GFOD1: variants seen among roughly 807,000 people sequenced by gnomAD.
The protein encoded by GFOD1 is Gfo/Idh/MocA-like oxidoreductase domain containing 1.
GFOD1 carries 9 observed loss-of-function variants against 25.4 expected under a neutral mutation model. The ratio of observed to expected loss-of-function variants is 0.35; its 90% CI spans 0.21 to 0.62. GFOD1 has a LOEUF of 0.62. GFOD1 is among the 20% of genes least tolerant of loss of function. The pLI is 0.72. For synonymous variants in GFOD1, 253 were observed against 245.6 expected (o/e 1.03, Z -0.28); for missense variants, 403 against 556.9 (o/e 0.72, Z 2.78).
intron 1 of GFOD1, among the ~76,000 whole-genome samples, chr6:13,433,621 T>G (rs1757786693): frequency 6.6e-6 from 1 of 152,254 alleles, no homozygotes; most frequent in South Asian, 2.1e-4. Context: ...AGGACTTTCA[T>G]GGAAGAAAGC....
At chr6:13,468,558 C>T (rs1562228209) in intron 1 of GFOD1, among the ~76,000 whole-genome samples, 2 of 152,184 alleles carry the variant, frequency 1.3e-5, no homozygotes, top group Non-Finnish European at 2.9e-5. Flanking sequence ...CACAGTTCCC[C>T]AGTGATTAAA....
Position 13,362,016 on chromosome 6 carries a change from G to A in GFOD1, c.*2727C>T, listed in dbSNP as rs569110150. On this transcript the variant is annotated 3_prime_UTR_variant, in exon 2 of 2. Transcript: ENST00000379287. ...GAAACCCCAGGAATATCCCTATTTA[G>A]GTTATGAATGACTTAGAAAAATGAA... 1.3e-5 allele frequency: 2 copies of A among 152,212 alleles called. No individual in the cohort carries two copies. Among genetic ancestry groups the A allele is most frequent in the African/African-American group, 4.8e-5 (2 of 41,522 alleles). 9.4% of individuals were successfully genotyped at this position (152,212 alleles called of 1,614,324 possible). A position where few individuals can be genotyped will look rare whatever the true frequency, so the allele number is the denominator to read the frequency against.
intron 1 of GFOD1, among the ~76,000 whole-genome samples, chr6:13,450,677 G>A (rs763686410): frequency 1.3e-5 from 2 of 152,160 alleles, no homozygotes; most frequent in African/African-American, 2.4e-5. Context: ...GGACCTTATC[G>A]TGGGGCTGCT....
intron 1 of GFOD1, among the ~76,000 whole-genome samples, chr6:13,380,552 ACC>A (rs1785343880): frequency 6.6e-6 from 1 of 151,960 alleles, no homozygotes; most frequent in South Asian, 2.1e-4. Flanking sequence ...ACATACACAC[ACC>A]CCTGGCGGAG....
chr6:13,450,685 G>A (rs111376801), intron 1 of GFOD1, among the ~76,000 whole-genome samples: 1 of 152,208 alleles, frequency 6.6e-6, no homozygotes, highest in Admixed American at 6.5e-5. Context: ...TCGTGGGGCT[G>A]CTGATGTAGG....
chr6:13,390,814 A>G (rs1037351270), intron 1 of GFOD1, among the ~76,000 whole-genome samples: 2 of 151,622 alleles, frequency 1.3e-5, no homozygotes, highest in African/African-American at 4.8e-5. Context: ...GAAGGAAGGA[A>G]GGAAGGAAGG....
At position 13,364,856 on chromosome 6, in the gene GFOD1, TG is replaced by T; in HGVS notation, c.1059del (p.Ser354AlafsTer12). 6.2e-7 allele frequency: 1 copy of T among 1,614,084 alleles called. No individual in the cohort carries two copies. Among genetic ancestry groups the T allele is most frequent in the Non-Finnish European group, 8.5e-7 (1 of 1,180,036 alleles). ...ATGTTCTGCCACTCGCCCGTCTGGC[TG>T]GACCTCTTGATGGTGTCCACCACGC... is the stretch of plus-strand genomic sequence containing the variant. Reference protein sequence around the residue: ...ALCVVDTIKRSSQTGEWQNIA... With the variant: ...ALCVVDTIKRXSQTGEWQNIA... On this transcript the variant is annotated frameshift_variant, in exon 2 of 2. Transcript: ENST00000379287. LOFTEE classifies it high-confidence loss of function. The surrounding 1 kb of genome is among the most constrained non-coding windows in gnomAD (Gnocchi z 4.1).
intron 1 of GFOD1, among the ~76,000 whole-genome samples, chr6:13,450,575 A>G (rs1758079334): frequency 6.6e-6 from 1 of 152,158 alleles, no homozygotes. Flanking sequence ...AGTGGATCAC[A>G]CTGGACGTGC....
At chr6:13,371,408 G>A (rs1785152580) in intron 1 of GFOD1, among the ~76,000 whole-genome samples, 1 of 152,194 alleles carries the variant, frequency 6.6e-6, no homozygotes, top group Non-Finnish European at 1.5e-5. Context: ...ACCTCTGGGA[G>A]CACCAGGCCA....
At position 13,358,296 on chromosome 6, in the gene GFOD1, T is replaced by TTA. The variant is rs900425672; in HGVS notation, c.*6445_*6446dup. The TTA allele has an allele frequency of 3.3e-5, 5 of 151,756 alleles. No homozygotes were observed. The highest frequency in any genetic ancestry group is 7.4e-5 in the Non-Finnish European group (5 of 67,796). 9.4% of individuals were successfully genotyped at this position (151,756 alleles called of 1,614,324 possible). ...TATCTAGTATACATGCCTTGACTTC[T>TTA]TATATATATAAGTTTGGTTTTATAC... On this transcript the variant is annotated 3_prime_UTR_variant, in exon 2 of 2. Transcript: ENST00000379287.
Position 13,365,788 on chromosome 6 carries a change from T to C in GFOD1, c.254-126A>G, listed in dbSNP as rs1785033315. 5.1e-6 allele frequency: 4 copies of C among 784,758 alleles called. No homozygotes were observed. The highest frequency in any genetic ancestry group is 8.0e-6 in the Non-Finnish European group (4 of 502,854). The allele number at this position is 784,758 out of a possible 1,614,324, so 48.6% of individuals were successfully genotyped here. A position where few individuals can be genotyped will look rare whatever the true frequency, so the allele number is the denominator to read the frequency against. ...GGTCAGATGTGGTGGCTCATGCCTG[T>C]TGTCCCAGCACTTTGGGAGGCCAAG... On this transcript the variant is annotated intron_variant, in intron 1 of 1. Coordinates refer to ENST00000379287, the MANE Select transcript of GFOD1 (RefSeq NM_018988.4). This position sits in a 1 kb window ranked among gnomAD's most constrained non-coding sequence, Gnocchi z 9.2.
chr6:13,384,100 G>A (rs887719137), intron 1 of GFOD1, among the ~76,000 whole-genome samples: 1 of 152,064 alleles, frequency 6.6e-6, no homozygotes, highest in Non-Finnish European at 1.5e-5. Flanking sequence ...GGTGGCATGC[G>A]CCTATAAGCC....
chr6:13,393,285 G>C (rs377679386), intron 1 of GFOD1, among the ~76,000 whole-genome samples: 1 of 150,572 alleles, frequency 6.6e-6, no homozygotes, highest in African/African-American at 2.4e-5. Flanking sequence ...GAACCCGAGA[G>C]GCAGAGGTTG....
At chr6:13,431,185 T>C (rs933427771) in intron 1 of GFOD1, among the ~76,000 whole-genome samples, 2 of 152,218 alleles carry the variant, frequency 1.3e-5, no homozygotes, top group African/African-American at 4.8e-5. Context: ...GTGGGGACTA[T>C]GATGATAGCA....
intron 1 of GFOD1, among the ~76,000 whole-genome samples, chr6:13,389,622 G>A (rs539268695): frequency 6.6e-6 from 1 of 152,210 alleles, no homozygotes; most frequent in East Asian, 1.9e-4. Context: ...GGGGGGTGCG[G>A]GGTGGGGGAA....
At chr6:13,436,966 C>A (rs1169028472) in intron 1 of GFOD1, among the ~76,000 whole-genome samples, 1 of 152,236 alleles carries the variant, frequency 6.6e-6, no homozygotes, top group Non-Finnish European at 1.5e-5. Flanking sequence ...CCAGGCCAAG[C>A]TGCTGGTCCA....
At chr6:13,424,598 A>C (rs898750422) in intron 1 of GFOD1, among the ~76,000 whole-genome samples, 1 of 152,230 alleles carries the variant, frequency 6.6e-6, no homozygotes, top group Non-Finnish European at 1.5e-5. Flanking sequence ...CTTAAGGAGA[A>C]AATTGGAAAA....
intron 1 of GFOD1, among the ~76,000 whole-genome samples, chr6:13,401,790 C>A (rs9296667): frequency 6.6e-6 from 1 of 152,118 alleles, no homozygotes; most frequent in African/African-American, 2.4e-5. Flanking sequence ...TATCAAAATT[C>A]CAGTTGCTTT....
intron 1 of GFOD1, among the ~76,000 whole-genome samples, chr6:13,421,609 G>A (rs553369028): frequency 6.6e-5 from 10 of 151,828 alleles, no homozygotes; most frequent in Admixed American, 1.3e-4. Flanking sequence ...TGACAACTGC[G>A]CAAAAGGCAT....
Sources: gnomAD v4.1 joint callset for allele counts (sites outside exome capture counted in the v4.1 genomes callset) on GRCh38, gnomAD v4.1.1 for gene constraint, Gnocchi (gnomAD v3.1) non-coding constraint, MANE v1.5 for transcripts, NCBI Gene and HGNC (gene_info 2026-07-23, HGNC 2026-07-21) for gene names.